The following PCYOX1 variants were observed in gnomAD, a reference collection of about 807,000 sequenced individuals.
The protein encoded by PCYOX1 is prenylcysteine oxidase 1.
In PCYOX1, 46 loss-of-function variants were observed where a neutral mutation model predicts 46.4. That is an observed-to-expected ratio of 0.99 (90% CI 0.78 to 1.27). PCYOX1 has a LOEUF of 1.27. Ranked by LOEUF, PCYOX1 falls within the 50% of genes most tolerant of loss-of-function variation. The probability of loss-of-function intolerance (pLI) is 0.00; values close to 1 mark genes in which losing one functional copy is unlikely to be tolerated. For missense variants in PCYOX1, 658 were observed against 628.3 expected, an observed-to-expected ratio of 1.05 and a Z score of -0.51; for synonymous variants, 220 against 231.8, an observed-to-expected ratio of 0.95 and a Z score of 0.46.
chr2:70,271,109 G>A (rs112916673), intron 3 of PCYOX1, among the ~76,000 whole-genome samples: 1,532 of 151,996 alleles, frequency 0.01, 17 homozygotes, highest in African/African-American at 0.035. Context: ...TGTTGCCCAA[G>A]CTGGATGGAG....
rs561031573 is a variant in PCYOX1, at chr2:70,272,979, T to G, written c.495-1980T>G. Among the ~76,000 whole-genome samples, 19 of 152,282 alleles carry G rather than the reference T, an allele frequency of 1.2e-4. 1 individual carries two copies. The highest frequency in any genetic ancestry group is 3.4e-3 in the Middle Eastern group (1 of 294). On this transcript the variant is annotated intron_variant, in intron 3 of 5. Coordinates refer to ENST00000433351, the MANE Select transcript of PCYOX1 (RefSeq NM_016297.4). ...TCCCAAAGTGCTAGGATTACAGGCATGAGCCACCATACCCAGCAGTGTATT... is the reference window on the plus strand; with the variant it reads ...TCCCAAAGTGCTAGGATTACAGGCAGGAGCCACCATACCCAGCAGTGTATT...
Position 70,275,667 on chromosome 2 carries a change from G to C in PCYOX1, c.859+1G>C. 1 of 1,612,614 alleles carries C rather than the reference G, an allele frequency of 6.2e-7. No individual in the cohort carries two copies. The highest frequency in any genetic ancestry group is 8.5e-7 in the Non-Finnish European group (1 of 1,179,352). On this transcript the variant is annotated splice_donor_variant, in intron 5 of 5. Coordinates refer to ENST00000433351, the MANE Select transcript of PCYOX1 (RefSeq NM_016297.4). LOFTEE classifies it high-confidence loss of function. ...GAGAAAACAAAGACCAAGTACACAG[G>C]TAAGCTTGAATTTCTTATTGTTCCT...
chr2:70,272,125 A>ATTTT (rs553647193), intron 3 of PCYOX1, among the ~76,000 whole-genome samples: 1 of 133,650 alleles, frequency 7.5e-6, no homozygotes, highest in Admixed American at 7.6e-5. Flanking sequence ...CTAATTTTTA[A>ATTTT]TTTTTTTTTT....
chr2:70,258,108 C>G (rs1216030584), upstream of PCYOX1: 8 of 1,393,602 alleles, frequency 5.7e-6, no homozygotes, highest in Non-Finnish European at 7.8e-6. Context: ...CGCGCAGCCG[C>G]GCAGCGGTGG....
At chr2:70,267,757 T>C (rs1270162930) in intron 3 of PCYOX1, among the ~76,000 whole-genome samples, 1 of 144,452 alleles carries the variant, frequency 6.9e-6, no homozygotes, top group Non-Finnish European at 1.5e-5. Flanking sequence ...CAGCCTTGGC[T>C]CGGCATCAGA....
chr2:70,259,975 C>T (rs976855409), intron 2 of PCYOX1, among the ~76,000 whole-genome samples: 5 of 152,094 alleles, frequency 3.3e-5, no homozygotes, highest in African/African-American at 1.2e-4. Flanking sequence ...GCCACCACGC[C>T]CAGCTAATTT....
At chr2:70,275,453 G>A (rs778718125) in intron 4 of PCYOX1, 61 bp from the exon 5 acceptor site, 21 of 1,524,928 alleles carry the variant, frequency 1.4e-5, no homozygotes, top group South Asian at 8.0e-5. Flanking sequence ...GGAAGGGAGA[G>A]TGGGTAGAGA....
In PCYOX1 at chr2:70,278,643, G is replaced by C. The variant is rs1034324983; in HGVS notation, c.*1251G>C. On this transcript the variant is annotated 3_prime_UTR_variant, in exon 6 of 6. Transcript: ENST00000433351. Reference sequence around the variant, plus strand: ...TCATTTACTGTAGCATTCTGGGTGAGAAATTGGTTGCTGAAATCTTAAGAC... The same window carrying C: ...TCATTTACTGTAGCATTCTGGGTGACAAATTGGTTGCTGAAATCTTAAGAC... 1 of 152,170 alleles carries C rather than the reference G, an allele frequency of 6.6e-6. No homozygotes were observed. Among genetic ancestry groups the C allele is most frequent in the African/African-American group, 2.4e-5 (1 of 41,446 alleles). 9.4% of individuals were successfully genotyped at this position (152,170 alleles called of 1,614,324 possible).
Position 70,259,541 on chromosome 2 carries a change from C to G in PCYOX1, c.294C>G (p.His98Gln). 6.2e-7 allele frequency: 1 copy of G among 1,613,932 alleles called. No homozygotes were observed. The highest frequency in any genetic ancestry group is 8.5e-7 in the Non-Finnish European group (1 of 1,179,880). Residue 98 changes from histidine to glutamine, a missense_variant, in exon 2 of 6, where the codon CAC becomes CAG. Transcript: ENST00000433351. ...CTGTCATCCATCCTTTAAATCTGCA[C>G]ATGAAACGTTTTGTCAAAGACCTGG... ...GGSVIHPLNL[H>Q]MKRFVKDLGL...
At chr2:70,275,696 A>C (rs982136972) in intron 5 of PCYOX1, 30 bp downstream of exon 5, 4 of 1,601,010 alleles carry the variant, frequency 2.5e-6, no homozygotes, top group Admixed American at 3.3e-5. Context: ...TGTTCCTGAT[A>C]TCCCCTGCAG....
chr2:70,274,492 T>G (rs1395346351), intron 3 of PCYOX1, among the ~76,000 whole-genome samples: 2 of 151,784 alleles, frequency 1.3e-5, no homozygotes, highest in Non-Finnish European at 2.9e-5. Flanking sequence ...CCACCGCGCC[T>G]GGCCTTACTT....
chr2:70,271,446 C>T (rs904592736), intron 3 of PCYOX1, among the ~76,000 whole-genome samples: 2 of 151,750 alleles, frequency 1.3e-5, no homozygotes, highest in Non-Finnish European at 2.9e-5. Context: ...AGAATTTAAA[C>T]GATTCCTCCA....
Position 70,278,276 on chromosome 2 carries a change from G to C in PCYOX1, c.*884G>C, listed in dbSNP as rs1482063444. The stretch of plus-strand genomic sequence containing the variant: ...AACCAGAGATTCAGATTCAAAGACT[G>C]AGGATAGGACCTTAGCATTGTAGCT... On this transcript the variant is annotated 3_prime_UTR_variant, in exon 6 of 6. Transcript: ENST00000433351. 1.3e-5 allele frequency: 2 copies of C among 152,638 alleles called. No individual in the cohort carries two copies. Among genetic ancestry groups the C allele is most frequent in the Non-Finnish European group, 2.9e-5 (2 of 68,050 alleles). The allele number at this position is 152,638 out of a possible 1,614,324, so 9.5% of individuals were successfully genotyped here. A position where few individuals can be genotyped will look rare whatever the true frequency, so the allele number is the denominator to read the frequency against.
intron 3 of PCYOX1, among the ~76,000 whole-genome samples, chr2:70,263,700 C>G (rs1236501690): frequency 6.6e-6 from 1 of 151,538 alleles, no homozygotes; most frequent in Non-Finnish European, 1.5e-5. Flanking sequence ...CGTTTTGTCG[C>G]CCAGGCTGGA....
Position 70,275,651 on chromosome 2 carries a change from A to C in PCYOX1, c.844A>C (p.Lys282Gln). ...GSVMYIEEKT[K>Q]TKYTGNPTKM... ...AGTAATGTACATCGAGGAGAAAACA[A>C]AGACCAAGTACACAGGTAAGCTTGA... Residue 282 changes from lysine (K) to glutamine (Q), a missense_variant, in exon 5 of 6, where the codon AAG (lysine) becomes CAG (glutamine). By Grantham distance (53) the Lys-to-Gln change is moderately conservative. Transcript: ENST00000433351. 6.2e-7 allele frequency: 1 copy of C among 1,613,976 alleles called. No homozygotes were observed. Among genetic ancestry groups the C allele is most frequent in the African/African-American group, 1.3e-5 (1 of 74,998 alleles).
chr2:70,259,378 T>C lies in PCYOX1; in HGVS notation c.131T>C (p.Ile44Thr), dbSNP rs769932221. Residue 44 changes from isoleucine (I) to threonine (T), a missense_variant, in exon 2 of 6, where the codon ATT (isoleucine) becomes ACT (threonine). Physicochemically the swap from Ile to Thr is moderately conservative, Grantham distance 89 (BLOSUM62 -1). Transcript: ENST00000433351. ...CTCATAGCGATTATTGGAGCCGGAA[T>C]TGGTGGCACTTCAGCAGCCTATTAC... ...PDKIAIIGAG[I>T]GGTSAAYYLR... 9 of 1,614,008 alleles carry C rather than the reference T, an allele frequency of 5.6e-6. No individual in the cohort carries two copies. Among genetic ancestry groups the C allele is most frequent in the Admixed American group, 1.7e-5 (1 of 60,018 alleles).
intron 3 of PCYOX1, among the ~76,000 whole-genome samples, chr2:70,263,348 G>T (rs774013366): frequency 1.3e-5 from 2 of 151,924 alleles, no homozygotes; most frequent in African/African-American, 2.4e-5. Context: ...TGCCTTTCCC[G>T]TGGGTACCTT....
At position 70,271,839 on chromosome 2, in the gene PCYOX1, A is replaced by G. The variant is rs1696604605; in HGVS notation, c.495-3120A>G. On this transcript the variant is annotated intron_variant, in intron 3 of 5. Transcript: ENST00000433351. The stretch of plus-strand genomic sequence containing the variant: ...AAATTGTTTCAGATTCACTGCTTTA[A>G]AGGGTCTTCAAATATATTTTCTTTA... Among the ~76,000 whole-genome samples the G allele has an allele frequency of 2.6e-5, 4 of 152,150 alleles. No homozygotes were observed. In the South Asian group the frequency reaches 8.3e-4, roughly 31 times the overall value.
In PCYOX1 at chr2:70,275,536, T is replaced by A. The variant is rs1471938468; in HGVS notation, c.729T>A (p.Ser243=). 6.2e-7 allele frequency: 1 copy of A among 1,614,184 alleles called. No individual in the cohort carries two copies. Among genetic ancestry groups the A allele is most frequent in the Non-Finnish European group, 8.5e-7 (1 of 1,180,036 alleles). ...CAGGGGCGGTGTCACTGTCCTGTTC[T>A]GATTCTGGCCTTTGGGCAGTAGAAG... The part of the protein sequence containing the change: ...AFVGAVSLSC[S]DSGLWAVEGG... The change falls in exon 5 of 6, where the codon TCT becomes TCA. Residue 243 remains serine (S), a synonymous_variant. Coordinates refer to ENST00000433351, the MANE Select transcript of PCYOX1 (RefSeq NM_016297.4).
Sources: gnomAD v4.1 joint callset for allele counts (sites outside exome capture counted in the v4.1 genomes callset) on GRCh38, gnomAD v4.1.1 for gene constraint, MANE v1.5 for transcripts, NCBI Gene and HGNC (gene_info 2026-07-23, HGNC 2026-07-21) for gene names.